The following TRAPPC8 variants were observed in gnomAD, a reference collection of about 807,000 sequenced individuals.
The protein encoded by TRAPPC8 is trafficking protein particle complex subunit 8.
TRAPPC8 carries 54 observed loss-of-function variants against 174.3 expected under a neutral mutation model. The observed-to-expected ratio is 0.31, with a 90% CI of 0.25 to 0.39. TRAPPC8 has a LOEUF of 0.39. TRAPPC8 is among the 10% of genes least tolerant of loss of function. The pLI is 1.00. For synonymous variants in TRAPPC8, 630 were observed against 579.9 expected (o/e 1.09, Z -1.24); for missense variants, 1,531 against 1,699.1 (o/e 0.90, Z 1.74).
intron 11 of TRAPPC8, 23 bp from the exon 12 acceptor site, chr18:31,890,889 A>T: frequency 6.3e-7 from 1 of 1,581,678 alleles, no homozygotes; most frequent in Admixed American, 1.9e-5. Flanking sequence ...TAAAAGAGAA[A>T]AAGGTTAGTT....
At chr18:31,935,516 C>A (rs1281370125) in intron 1 of TRAPPC8, among the ~76,000 whole-genome samples, 6 of 119,218 alleles carry the variant, frequency 5.0e-5, no homozygotes, top group African/African-American at 1.9e-4. Flanking sequence ...CCATTGCACT[C>A]CAGCCTGGGC....
In TRAPPC8 at chr18:31,933,107, C is replaced by T. The variant is rs538712235; in HGVS notation, c.158-1584G>A. ...ACGAGGTCAGGAGACCGAGACCATC[C>T]TGGCTAACACGGTGAAACCCTGTCT... On this transcript the variant is annotated intron_variant, in intron 1 of 28. Coordinates refer to ENST00000283351, the MANE Select transcript of TRAPPC8 (RefSeq NM_014939.5). Among the ~76,000 whole-genome samples the T allele has an allele frequency of 6.6e-5, 10 of 151,724 alleles. No individual in the cohort carries two copies. In the South Asian group the frequency reaches 1.7e-3, roughly 25 times the overall value.
intron 24 of TRAPPC8, among the ~76,000 whole-genome samples, chr18:31,850,629 T>C (rs1239109468): frequency 6.6e-6 from 1 of 152,210 alleles, no homozygotes; most frequent in East Asian, 1.9e-4. Flanking sequence ...ATCATGTAGA[T>C]GTTAAACTTC....
At chr18:31,909,087 A>G (rs1450476547) in intron 6 of TRAPPC8, 77 bp from the exon 7 acceptor site, 4 of 744,460 alleles carry the variant, frequency 5.4e-6, no homozygotes, top group South Asian at 3.7e-5. Context: ...ACTGCTAAAG[A>G]AAAAAAAAAA....
chr18:31,846,909 G>T, intron 25 of TRAPPC8, 92 bp from the exon 26 acceptor site: 2 of 743,536 alleles, frequency 2.7e-6, no homozygotes, highest in South Asian at 2.5e-5. Flanking sequence ...GAAATAATAT[G>T]GCCAATATCT....
At chr18:31,836,758 C>CTTTTT (rs68104803) in intron 27 of TRAPPC8, among the ~76,000 whole-genome samples, 2 of 89,870 alleles carry the variant, frequency 2.2e-5, no homozygotes, top group Admixed American at 1.1e-4. Flanking sequence ...ATCTTTCAGT[C>CTTTTT]TTTTTTTTTT....
At chr18:31,844,125 C>T (rs1224164111) in intron 26 of TRAPPC8, among the ~76,000 whole-genome samples, 1 of 152,174 alleles carries the variant, frequency 6.6e-6, no homozygotes, top group Non-Finnish European at 1.5e-5. Context: ...GGAACCCTGG[C>T]TCCTTTTATT....
At chr18:31,910,092 TAAGTA>T (rs766335625) in intron 5 of TRAPPC8, among the ~76,000 whole-genome samples, 11 of 152,098 alleles carry the variant, frequency 7.2e-5, no homozygotes, top group Non-Finnish European at 1.5e-4. Flanking sequence ...TTATGCCTCT[TAAGTA>T]AGGAATAATG....
chr18:31,910,282 A>T (rs2036852677), intron 5 of TRAPPC8, among the ~76,000 whole-genome samples: 1 of 152,176 alleles, frequency 6.6e-6, no homozygotes, highest in African/African-American at 2.4e-5. Context: ...CAGTTAACAA[A>T]AAAACACTTA....
chr18:31,886,776 T>C (rs1262845509), intron 12 of TRAPPC8, among the ~76,000 whole-genome samples: 1 of 151,532 alleles, frequency 6.6e-6, no homozygotes, highest in Non-Finnish European at 1.5e-5. Flanking sequence ...AGGTCAGGAG[T>C]TTGAGACCAG....
In TRAPPC8 at chr18:31,870,598, C is replaced by T. The variant is rs2034807226; in HGVS notation, c.2258-96G>A. On this transcript the variant is annotated intron_variant, in intron 15 of 28. Transcript: ENST00000283351. ...AATGCATCTTGCTTTCATAGCTCTG[C>T]ATTTCTGCCTAGACTGTCCTTTATT... is the stretch of plus-strand genomic sequence containing the variant. The T allele has an allele frequency of 1.8e-5, 24 of 1,347,012 alleles. No individual in the cohort carries two copies. In the South Asian group the frequency reaches 2.7e-4, roughly 15 times the overall value. 83.4% of individuals were successfully genotyped at this position (1,347,012 alleles called of 1,614,324 possible). A position where few individuals can be genotyped will look rare whatever the true frequency, so the allele number is the denominator to read the frequency against.
At chr18:31,903,531 A>G (rs2036534843) in intron 9 of TRAPPC8, among the ~76,000 whole-genome samples, 1 of 152,218 alleles carries the variant, frequency 6.6e-6, no homozygotes, top group Non-Finnish European at 1.5e-5. Flanking sequence ...CCAATGATGG[A>G]TCACAAAGAG....
chr18:31,874,861 C>T (rs1209600792), intron 12 of TRAPPC8, among the ~76,000 whole-genome samples, 157 bp from the exon 13 acceptor site: 4 of 152,106 alleles, frequency 2.6e-5, no homozygotes. Context: ...TTATGATAAT[C>T]CCTTCACAAT....
chr18:31,884,259 C>T (rs2035595787), intron 12 of TRAPPC8, among the ~76,000 whole-genome samples: 1 of 152,098 alleles, frequency 6.6e-6, no homozygotes, highest in Admixed American at 6.6e-5. Flanking sequence ...GAGTTAGAGG[C>T]TTTGTTATTA....
intron 24 of TRAPPC8, among the ~76,000 whole-genome samples, chr18:31,851,470 T>G (rs1484572204): frequency 6.6e-6 from 1 of 152,084 alleles, no homozygotes; most frequent in Non-Finnish European, 1.5e-5. Flanking sequence ...TAATTTACAT[T>G]GGACACATTT....
rs183548388 is a variant in TRAPPC8 at position 31,885,265 on chromosome 18, C to A, written c.1728+5470G>T. On this transcript the variant is annotated intron_variant, in intron 12 of 28. Coordinates refer to ENST00000283351, the MANE Select transcript of TRAPPC8 (RefSeq NM_014939.5). ...GAACACAGGATGTCTTCTGTATATT[C>A]CTACAAACATACCGAATTTGAATCT... Among the ~76,000 whole-genome samples the A allele has an allele frequency of 2.5e-3, 376 of 152,246 alleles. 6 individuals carry two copies. In the South Asian group the frequency reaches 0.032, roughly 13 times the overall value.
At chr18:31,916,525 T>TTTTG (rs148943323) in intron 3 of TRAPPC8, 79 bp from the exon 4 acceptor site, 66 of 1,355,306 alleles carry the variant, frequency 4.9e-5, no homozygotes, top group Middle Eastern at 3.9e-4. Context: ...AACAGGAGGT[T>TTTTG]TTTGTTTGTT....
chr18:31,831,445 T>C (rs1197186758), intron 28 of TRAPPC8, among the ~76,000 whole-genome samples: 3 of 152,216 alleles, frequency 2.0e-5, no homozygotes, highest in African/African-American at 7.2e-5. Flanking sequence ...ATCATTACTA[T>C]AACAGCTAAC....
intron 2 of TRAPPC8, among the ~76,000 whole-genome samples, chr18:31,923,392 T>C (rs1448246135): frequency 6.6e-6 from 1 of 152,172 alleles, no homozygotes; most frequent in Non-Finnish European, 1.5e-5. Context: ...CATCAATGTG[T>C]CTTTCCAATT....
Sources: gnomAD v4.1 joint callset for allele counts (sites outside exome capture counted in the v4.1 genomes callset) on GRCh38, gnomAD v4.1.1 for gene constraint, MANE v1.5 for transcripts, NCBI Gene and HGNC (gene_info 2026-07-23, HGNC 2026-07-21) for gene names.